Variants in CCDC171 observed in about 807,000 individuals in gnomAD.
The protein encoded by CCDC171 is coiled-coil domain-containing protein 171.
In CCDC171, 177 loss-of-function variants were observed where a neutral mutation model predicts 168.2. The observed-to-expected ratio is 1.05, with a 90% CI of 0.93 to 1.19. The LOEUF is 1.19. CCDC171 is among the 50% of genes most tolerant of loss of function. The pLI, the probability that CCDC171 is intolerant of heterozygous loss-of-function variation, is 0.00. For synonymous variants in CCDC171, 687 were observed against 540.8 expected, an observed-to-expected ratio of 1.27 and a Z score of -3.75; for missense variants, 1,991 against 1,539.0, an observed-to-expected ratio of 1.29 and a Z score of -4.91.
intron 1 of CCDC171, among the ~76,000 whole-genome samples, chr9:16,054,225 C>T (rs1303680402): frequency 6.6e-6 from 1 of 152,158 alleles, no homozygotes; most frequent in Non-Finnish European, 1.5e-5. Context: ...CCTGGAAGAA[C>T]ACCCTGGTAA....
chr9:15,960,772 A>G (rs1184247414), intron 25 of CCDC171, among the ~76,000 whole-genome samples: 1 of 152,140 alleles, frequency 6.6e-6, no homozygotes, highest in Non-Finnish European at 1.5e-5. Flanking sequence ...CATCTGAAGT[A>G]CCTTTCTCTC....
chr9:15,759,861 C>A (rs1260524844), intron 18 of CCDC171, among the ~76,000 whole-genome samples: 1 of 151,806 alleles, frequency 6.6e-6, no homozygotes, highest in Non-Finnish European at 1.5e-5. Context: ...TTTGTATATT[C>A]CATAATTTAA....
At chr9:15,584,145 G>A (rs2041367384) in intron 4 of CCDC171, among the ~76,000 whole-genome samples, 1 of 152,336 alleles carries the variant, frequency 6.6e-6, no homozygotes, top group East Asian at 1.9e-4. Flanking sequence ...GGGATTACAG[G>A]CGTGAGCCAC....
intron 11 of CCDC171, among the ~76,000 whole-genome samples, chr9:15,698,671 CTGTATGTGCG>C (rs1178092212): frequency 2.0e-5 from 3 of 151,952 alleles, no homozygotes; most frequent in Admixed American, 6.5e-5. Flanking sequence ...CATTATGTGT[CTGTATGTGCG>C]TGTATATGTA....
At chr9:16,079,057 G>A in the CCDC171 span, among the ~76,000 whole-genome samples, 17 of 152,178 alleles carry the variant, frequency 1.1e-4, no homozygotes, top group Admixed American at 1.1e-3. Flanking sequence ...TAACCTATAA[G>A]GCCAAGTTAA....
At chr9:15,598,836 T>C (rs553566431) in intron 6 of CCDC171, among the ~76,000 whole-genome samples, 1 of 152,176 alleles carries the variant, frequency 6.6e-6, no homozygotes, top group East Asian at 1.9e-4. Context: ...GGTGCTCCTG[T>C]ATTGGGTGCA....
intron 16 of CCDC171, among the ~76,000 whole-genome samples, chr9:15,735,097 A>G (rs1041288194): frequency 4.3e-4 from 65 of 152,360 alleles, no homozygotes; most frequent in African/African-American, 1.5e-3. Context: ...TAATATTTCT[A>G]AGACTTTTTT....
At chr9:15,597,973 T>C (rs1054854496) in intron 6 of CCDC171, among the ~76,000 whole-genome samples, 1 of 152,206 alleles carries the variant, frequency 6.6e-6, no homozygotes, top group African/African-American at 2.4e-5. Context: ...TCTGTATTTT[T>C]GTGGGATCGG....
intron 19 of CCDC171, among the ~76,000 whole-genome samples, chr9:15,778,761 C>G (rs942044656): frequency 6.6e-6 from 1 of 151,272 alleles, no homozygotes; most frequent in African/African-American, 2.4e-5. Context: ...TTTTAGCTAT[C>G]TAGATTATTT....
intron 3 of CCDC171, among the ~76,000 whole-genome samples, chr9:16,017,958 A>G (rs1209167780): frequency 6.6e-6 from 1 of 152,214 alleles, no homozygotes. Flanking sequence ...TACTGCAGCA[A>G]TTGCTGGTGG....
chr9:15,982,302 A>G lies in CCDC171; in HGVS notation n.369-38287A>G, dbSNP rs984001394. Among the ~76,000 whole-genome samples the G allele has an allele frequency of 3.3e-5, 5 of 152,320 alleles. No homozygotes were observed. In the East Asian group the frequency reaches 7.7e-4, roughly 24 times the overall value. On this transcript the variant is annotated intron_variant and non_coding_transcript_variant, in intron 3 of 9. Transcript: ENST00000486641. ...TAGTGATGTGAGAATTTAGAACCGT[A>G]TTCACTCACCAGCTGTGTGTCCTTA... is the stretch of plus-strand genomic sequence containing the variant.
At chr9:15,904,831 A>G (rs895439983) in intron 24 of CCDC171, among the ~76,000 whole-genome samples, 6 of 151,854 alleles carry the variant, frequency 4.0e-5, no homozygotes, top group African/African-American at 1.5e-4. Flanking sequence ...AGGAAGATCT[A>G]CCAAGCAAAT....
At chr9:15,752,510 T>C (rs1245237844) in intron 18 of CCDC171, among the ~76,000 whole-genome samples, 1 of 152,140 alleles carries the variant, frequency 6.6e-6, no homozygotes, top group African/African-American at 2.4e-5. Flanking sequence ...CCATCAATAA[T>C]AGACTGGATA....
intron 3 of CCDC171, among the ~76,000 whole-genome samples, chr9:15,575,378 T>C (rs1026371570): frequency 6.6e-6 from 1 of 152,118 alleles, no homozygotes. Flanking sequence ...TTTGCCATGT[T>C]GTCCAGGCTG....
In CCDC171 at chr9:15,744,665, C is replaced by T. The variant is rs150257272; in HGVS notation, c.2442C>T (p.Leu814=). 3 of 1,614,024 alleles carry T rather than the reference C, an allele frequency of 1.9e-6. No homozygotes were observed. The African/African-American group carries it at 4.0e-5, about 22-fold the overall frequency. The part of the protein sequence containing the change: ...GVIAVLAANR[L]KILGQSCASL... Reference sequence around the variant, plus strand: ...TTGCTGTTTTGGCAGCAAACAGACTCAAGATTTTGGGCCAATCATGTGCCT... The same window carrying T: ...TTGCTGTTTTGGCAGCAAACAGACTTAAGATTTTGGGCCAATCATGTGCCT... Residue 814 remains leucine, a synonymous_variant, in exon 17 of 26, where the codon CTC becomes CTT. Coordinates refer to ENST00000380701, the MANE Select transcript of CCDC171 (RefSeq NM_173550.4).
At chr9:15,588,485 T>C (rs1353541154) in intron 4 of CCDC171, 2 of 300,256 alleles carry the variant, frequency 6.7e-6, no homozygotes, top group Admixed American at 4.3e-5. Flanking sequence ...TCTTTGCCCC[T>C]GCAAAGAAGG....
chr9:16,071,163 G>A, the CCDC171 span, among the ~76,000 whole-genome samples: 209 of 152,290 alleles, frequency 1.4e-3, 1 homozygote, highest in Non-Finnish European at 1.2e-3. Flanking sequence ...ATGGAGTTCC[G>A]ATGGCATTGT....
At chr9:15,594,633 T>C (rs552979764) in intron 6 of CCDC171, among the ~76,000 whole-genome samples, 22 of 152,266 alleles carry the variant, frequency 1.4e-4, no homozygotes, top group African/African-American at 5.1e-4. Context: ...TATAGTCCAA[T>C]TTGAAAATTA....
intron 1 of CCDC171, among the ~76,000 whole-genome samples, chr9:16,048,966 C>G (rs901401672): frequency 6.6e-6 from 1 of 150,756 alleles, no homozygotes; most frequent in African/African-American, 2.4e-5. Flanking sequence ...AAAAAAAACC[C>G]AAACACCATA....
Sources: gnomAD v4.1 joint callset for allele counts (sites outside exome capture counted in the v4.1 genomes callset) on GRCh38, gnomAD v4.1.1 for gene constraint, MANE v1.5 for transcripts, NCBI Gene and HGNC (gene_info 2026-07-23, HGNC 2026-07-21) for gene names.